Variants in ANAPC10 observed in about 807,000 individuals in gnomAD.
The protein encoded by ANAPC10 is anaphase promoting complex subunit 10, also known as anaphase-promoting complex subunit 10.
ANAPC10 carries 12 observed loss-of-function variants against 22.0 expected under a neutral mutation model. That is an observed-to-expected ratio of 0.55 (90% CI 0.35 to 0.88). ANAPC10 has a LOEUF of 0.88. Among genes scored for constraint, ANAPC10 ranks in the 40% least tolerant of loss-of-function variants. The pLI is 0.01. For synonymous variants in ANAPC10, 65 were observed against 69.5 expected (o/e 0.94, Z 0.32); for missense variants, 188 against 220.9 (o/e 0.85, Z 0.94).
intron 2 of ANAPC10, among the ~76,000 whole-genome samples, chr4:145,091,516 T>C (rs1433819193): frequency 6.6e-6 from 1 of 152,136 alleles, no homozygotes; most frequent in East Asian, 1.9e-4. Context: ...CTGAAAAAGC[T>C]TTTAAAAAAC....
At chr4:145,053,585 T>C (rs1741449136) in intron 4 of ANAPC10, 1 of 425,304 alleles carries the variant, frequency 2.4e-6, no homozygotes. Flanking sequence ...AACTATAATT[T>C]CAAATACAAG....
chr4:145,056,302 C>T (rs2126387814), intron 4 of ANAPC10, among the ~76,000 whole-genome samples: 1 of 152,294 alleles, frequency 6.6e-6, no homozygotes, highest in Middle Eastern at 3.4e-3. Context: ...CCACCAGCAC[C>T]ATGACAGTTT....
chr4:145,031,939 T>C (rs1737649008), intron 4 of ANAPC10, among the ~76,000 whole-genome samples: 1 of 152,226 alleles, frequency 6.6e-6, no homozygotes, highest in Admixed American at 6.5e-5. Flanking sequence ...AAGTGGGTTG[T>C]GCACAGCAGC....
At chr4:145,057,830 T>C (rs1041423088) in intron 4 of ANAPC10, among the ~76,000 whole-genome samples, 19 of 152,154 alleles carry the variant, frequency 1.2e-4, no homozygotes, top group African/African-American at 4.6e-4. Context: ...TTTCTGCTTA[T>C]TCAAATCCTA....
chr4:145,019,549 G>C, intron 4 of ANAPC10, among the ~76,000 whole-genome samples: 1 of 151,950 alleles, frequency 6.6e-6, no homozygotes, highest in East Asian at 1.9e-4. Flanking sequence ...AGAGAAACAC[G>C]AACAAACCAA....
At chr4:145,053,334 T>C (rs1002578953) in intron 4 of ANAPC10, among the ~76,000 whole-genome samples, 7 of 152,330 alleles carry the variant, frequency 4.6e-5, no homozygotes, top group African/African-American at 1.7e-4. Context: ...TTCCCTACTA[T>C]TGCCTCATAC....
intron 4 of ANAPC10, among the ~76,000 whole-genome samples, chr4:145,013,000 T>G (rs563826644): frequency 1.3e-5 from 2 of 152,212 alleles, no homozygotes; most frequent in South Asian, 4.1e-4. Context: ...CCCTCTTCCC[T>G]CTCTTCCTCC....
intron 4 of ANAPC10, among the ~76,000 whole-genome samples, chr4:145,037,645 T>A (rs1021700390): frequency 3.9e-5 from 6 of 152,204 alleles, no homozygotes; most frequent in African/African-American, 9.6e-5. Flanking sequence ...AACAATTGCT[T>A]ATTTAAAAAT....
intron 4 of ANAPC10, among the ~76,000 whole-genome samples, chr4:145,055,244 T>C (rs1412280339): frequency 6.6e-6 from 1 of 152,060 alleles, no homozygotes; most frequent in East Asian, 1.9e-4. Flanking sequence ...CTTTTGCACC[T>C]GCTGAATATT....
intron 4 of ANAPC10, among the ~76,000 whole-genome samples, chr4:145,051,315 G>A (rs918949526): frequency 5.9e-5 from 9 of 152,184 alleles, no homozygotes; most frequent in African/African-American, 1.9e-4. Flanking sequence ...TATATTATAT[G>A]AGCATGGTTC....
chr4:145,037,938 C>T (rs1738845526), intron 4 of ANAPC10, among the ~76,000 whole-genome samples: 2 of 144,180 alleles, frequency 1.4e-5, no homozygotes, highest in African/African-American at 5.3e-5. Flanking sequence ...CAGAGCAAAA[C>T]CCTGTCTCAA....
intron 1 of ANAPC10, among the ~76,000 whole-genome samples, chr4:145,096,981 C>G (rs560230759): frequency 1.3e-5 from 2 of 152,138 alleles, no homozygotes; most frequent in Non-Finnish European, 2.9e-5. Context: ...GAGGCCAAGG[C>G]AGGTGGATTG....
rs1010420085 is a variant in ANAPC10, at chr4:144,994,588, C to A, written c.*785G>T. 1 of 151,976 alleles carries A rather than the reference C, an allele frequency of 6.6e-6. No homozygotes were observed. The highest frequency in any genetic ancestry group is 2.4e-5 in the African/African-American group (1 of 41,406). 9.4% of individuals were successfully genotyped at this position (151,976 alleles called of 1,614,324 possible). A position where few individuals can be genotyped will look rare whatever the true frequency, so the allele number is the denominator to read the frequency against. On this transcript the variant is annotated 3_prime_UTR_variant, in exon 5 of 5. Transcript: ENST00000507656. ...ACATTTCCATGTATTTCTTTAAAAT[C>A]TTTTAATATATATAAAAAATTTCAC...
intron 4 of ANAPC10, among the ~76,000 whole-genome samples, chr4:145,012,056 T>C (rs1440167155): frequency 6.6e-6 from 1 of 152,020 alleles, no homozygotes; most frequent in African/African-American, 2.4e-5. Flanking sequence ...CATCTCAGTC[T>C]ATCTGCTTAG....
chr4:145,070,061 C>T (rs1236900630), intron 3 of ANAPC10, among the ~76,000 whole-genome samples: 1 of 152,062 alleles, frequency 6.6e-6, no homozygotes, highest in Non-Finnish European at 1.5e-5. Flanking sequence ...TAATGAGATA[C>T]ATATATAAAG....
rs115061068 is a variant in ANAPC10, at chr4:145,021,351, G to C, written c.328-25748C>G. ...GCACATAGGACAATGTAATAGAGTA[G>C]AGAACCCATAAATAAACCCAAATAC... On this transcript the variant is annotated intron_variant, in intron 4 of 4. Coordinates refer to ENST00000507656, the MANE Select transcript of ANAPC10 (RefSeq NM_001256706.2). Among the ~76,000 whole-genome samples the C allele has an allele frequency of 2.9e-3, 448 of 152,178 alleles. 2 individuals carry two copies. Among genetic ancestry groups the C allele is most frequent in the African/African-American group, 0.01 (418 of 41,536 alleles).
At chr4:145,051,633 G>C (rs956988360) in intron 4 of ANAPC10, among the ~76,000 whole-genome samples, 1 of 152,060 alleles carries the variant, frequency 6.6e-6, no homozygotes, top group African/African-American at 2.4e-5. Context: ...AATTTTTAAA[G>C]AACTATTCTT....
intron 4 of ANAPC10, chr4:145,053,731 C>A: frequency 4.7e-6 from 3 of 640,356 alleles, no homozygotes; most frequent in Non-Finnish European, 5.6e-6. Context: ...ATTCCTTTAT[C>A]CTGAGACTTG....
At chr4:145,092,958 C>G (rs1747913710) in intron 2 of ANAPC10, among the ~76,000 whole-genome samples, 1 of 152,172 alleles carries the variant, frequency 6.6e-6, no homozygotes, top group African/African-American at 2.4e-5. Flanking sequence ...AAAAGACCAG[C>G]CACAGATACA....
Sources: allele counts gnomAD v4.1 joint callset (sites outside exome capture counted in the v4.1 genomes callset), GRCh38; gene constraint gnomAD v4.1.1; transcripts MANE v1.5; gene names NCBI Gene and HGNC (gene_info 2026-07-23, HGNC 2026-07-21).